Variants in MGME1 observed in about 807,000 individuals in gnomAD.
MGME1 encodes the protein mitochondrial genome maintenance exonuclease 1.
A neutral mutation model predicts 33.0 loss-of-function variants in MGME1; 22 were observed. That is an observed-to-expected ratio of 0.67 (90% CI 0.48 to 0.95). The LOEUF (loss-of-function observed/expected upper bound fraction) is 0.95, where lower values mean the gene tolerates loss of function less well. MGME1 is among the 40% of genes least tolerant of loss of function. The probability of loss-of-function intolerance (pLI) is 0.00; values close to 1 mark genes in which losing one functional copy is unlikely to be tolerated. For missense variants in MGME1, 383 were observed against 397.8 expected (o/e 0.96, Z 0.32); for synonymous variants, 133 against 144.0 (o/e 0.92, Z 0.55).
At chr20:17,981,299 T>C (rs1293407239) in intron 3 of MGME1, among the ~76,000 whole-genome samples, 5 of 152,226 alleles carry the variant, frequency 3.3e-5, no homozygotes, top group Non-Finnish European at 1.5e-5. Context: ...GATATTGGGC[T>C]CAGGAGCCAG....
intron 4 of MGME1, among the ~76,000 whole-genome samples, chr20:17,988,767 A>C (rs2036218347): frequency 6.7e-6 from 1 of 149,816 alleles, no homozygotes; most frequent in South Asian, 2.1e-4. Flanking sequence ...CTCTATTTTT[A>C]TCCCATTGCT....
chr20:17,989,670 G>GAA (rs145865670), intron 4 of MGME1, among the ~76,000 whole-genome samples: 2 of 144,416 alleles, frequency 1.4e-5, no homozygotes, highest in African/African-American at 5.1e-5. Flanking sequence ...TCTCAAAAAA[G>GAA]AAAAAAAAAG....
chr20:17,989,715 T>TC (rs1204566799), intron 4 of MGME1, among the ~76,000 whole-genome samples: 1 of 151,796 alleles, frequency 6.6e-6, no homozygotes, highest in African/African-American at 2.4e-5. Flanking sequence ...CTTTTTTTTT[T>TC]TTCAATGGCT....
intron 3 of MGME1, among the ~76,000 whole-genome samples, chr20:17,983,951 G>C (rs2036094690): frequency 6.6e-6 from 1 of 152,116 alleles, no homozygotes; most frequent in African/African-American, 2.4e-5. Flanking sequence ...GGATGTATAT[G>C]TCTGTTTTTG....
At chr20:17,977,381 A>T (rs2035895481) in intron 3 of MGME1, among the ~76,000 whole-genome samples, 1 of 151,986 alleles carries the variant, frequency 6.6e-6, no homozygotes, top group Admixed American at 6.6e-5. Context: ...TCTCAAAAAA[A>T]AAAAAATAAA....
chr20:17,977,888 T>G (rs948865537), intron 3 of MGME1, among the ~76,000 whole-genome samples: 4 of 152,146 alleles, frequency 2.6e-5, no homozygotes, highest in Non-Finnish European at 4.4e-5. Flanking sequence ...GATACAAAGG[T>G]GGCTACAACC....
chr20:17,979,024 C>T (rs1439093090), intron 3 of MGME1, among the ~76,000 whole-genome samples: 5 of 151,510 alleles, frequency 3.3e-5, no homozygotes, highest in East Asian at 1.9e-4. Flanking sequence ...GTGATCTGCC[C>T]GCCTCAGCCT....
upstream of MGME1, chr20:17,968,835 G>A (rs116647673): frequency 2.2e-4 from 44 of 196,052 alleles, no homozygotes; most frequent in African/African-American, 1.0e-3. Context: ...CTCAGCCCGA[G>A]TCCAAGATGG....
chr20:17,990,455 G>A lies in MGME1; in HGVS notation c.*346G>A, dbSNP rs2036274136. Reference sequence around the variant, plus strand: ...CCCAGGCAGGATGCCCAGTCTTTGAGCTGAGATTGGAAGGCAGTGAGGCTG... The same window carrying A: ...CCCAGGCAGGATGCCCAGTCTTTGAACTGAGATTGGAAGGCAGTGAGGCTG... On this transcript the variant is annotated 3_prime_UTR_variant, in exon 5 of 5. Coordinates refer to ENST00000377710, the MANE Select transcript of MGME1 (RefSeq NM_052865.4). 1 of 376,904 alleles carries A rather than the reference G, an allele frequency of 2.7e-6. No homozygotes were observed. Among genetic ancestry groups the A allele is most frequent in the Non-Finnish European group, 4.7e-6 (1 of 210,788 alleles). 23.3% of individuals were successfully genotyped at this position (376,904 alleles called of 1,614,324 possible).
At chr20:17,983,299 GTGTA>G in intron 3 of MGME1, among the ~76,000 whole-genome samples, 1 of 151,670 alleles carries the variant, frequency 6.6e-6, no homozygotes, top group East Asian at 2.0e-4. Context: ...GTGTGTGTGT[GTGTA>G]TCCACATTTT....
At position 17,990,092 on chromosome 20, in the gene MGME1, C is replaced by CT; in HGVS notation, c.1018_1019insT (p.Pro340LeufsTer32). Reference sequence around the variant, plus strand: ...GAAAAAGAACCAGAATATTCAGAAACCAGAATATTCAGAATAGGGAGCAAG... The same window carrying CT: ...GAAAAAGAACCAGAATATTCAGAAACTCAGAATATTCAGAATAGGGAGCAAG... On this transcript the variant is annotated frameshift_variant, in exon 5 of 5. Transcript: ENST00000377710. LOFTEE classifies it high-confidence loss of function. 1 of 1,613,884 alleles carries CT rather than the reference C, an allele frequency of 6.2e-7. No individual in the cohort carries two copies.
chr20:17,975,661 C>T lies in MGME1; in HGVS notation c.512-23C>T, dbSNP rs2035846041. The T allele has an allele frequency of 4.4e-6, 7 of 1,588,898 alleles. 1 individual carries two copies. Among genetic ancestry groups the T allele is most frequent in the South Asian group, 3.3e-5 (3 of 90,324 alleles). On this transcript the variant is annotated intron_variant, in intron 2 of 4. Transcript: ENST00000377710. The stretch of plus-strand genomic sequence containing the variant: ...GCTTTGTTTGTGTTTCCCCCCTCCC[C>T]TTTTCCCTGATTTTCTTTTCAGACG...
intron 3 of MGME1, among the ~76,000 whole-genome samples, chr20:17,981,334 G>A (rs779258080): frequency 6.6e-6 from 1 of 152,098 alleles, no homozygotes; most frequent in Non-Finnish European, 1.5e-5. Flanking sequence ...ATTCTGGCTT[G>A]GCTTTTCATC....
chr20:17,978,058 AT>A (rs932502493), intron 3 of MGME1, among the ~76,000 whole-genome samples: 1 of 151,558 alleles, frequency 6.6e-6, no homozygotes, highest in Non-Finnish European at 1.5e-5. Context: ...ACATTATGAG[AT>A]TTTTTTTTGG....
At chr20:17,982,852 TTAAA>T (rs994844478) in intron 3 of MGME1, among the ~76,000 whole-genome samples, 6 of 152,212 alleles carry the variant, frequency 3.9e-5, no homozygotes, top group African/African-American at 7.2e-5. Flanking sequence ...AATGGAAAGA[TTAAA>T]TAAGCTAATT....
intron 3 of MGME1, among the ~76,000 whole-genome samples, chr20:17,980,515 TAAA>T (rs893145970): frequency 6.6e-6 from 1 of 150,470 alleles, no homozygotes; most frequent in Non-Finnish European, 1.5e-5. Context: ...AAAAATTATT[TAAA>T]AAAAAATCAG....
chr20:17,982,767 T>TA (rs917809666), intron 3 of MGME1, among the ~76,000 whole-genome samples: 1 of 152,208 alleles, frequency 6.6e-6, no homozygotes, highest in East Asian at 1.9e-4. Flanking sequence ...ACTATGATGT[T>TA]AAAAAATGTT....
intron 2 of MGME1, among the ~76,000 whole-genome samples, chr20:17,971,100 AG>A (rs1270763903): frequency 2.6e-5 from 4 of 152,244 alleles, no homozygotes; most frequent in East Asian, 1.9e-4. Flanking sequence ...TACTCTTAGT[AG>A]TACACAAACT....
rs776070607 is a variant in MGME1 at position 17,975,772 on chromosome 20, C to T, written c.600C>T (p.Leu200=). 2.5e-6 allele frequency: 4 copies of T among 1,613,910 alleles called. No individual in the cohort carries two copies. Among genetic ancestry groups the T allele is most frequent in the South Asian group, 1.1e-5 (1 of 91,072 alleles). ...CCTTAAAAGAGAGAGATGAAAATCT[C>T]CTCAAGTCTGGTTACATTGAAAGTG... ...QETLKERDEN[L]LKSGYIESVQ... is the part of the protein sequence containing the mutation. The change falls in exon 3 of 5, where the codon CTC becomes CTT. Residue 200 remains leucine, a synonymous_variant. Coordinates refer to ENST00000377710, the MANE Select transcript of MGME1 (RefSeq NM_052865.4).
Sources: allele counts gnomAD v4.1 joint callset (sites outside exome capture counted in the v4.1 genomes callset), GRCh38; gene constraint gnomAD v4.1.1; transcripts MANE v1.5; gene names NCBI Gene and HGNC (gene_info 2026-07-23, HGNC 2026-07-21).